NEK11: variants seen among roughly 807,000 people sequenced by gnomAD.
The protein encoded by NEK11 is NIMA related kinase 11.
A neutral mutation model predicts 80.7 loss-of-function variants in NEK11; 72 were observed. The observed-to-expected ratio is 0.89, with a 90% CI of 0.74 to 1.08. NEK11 has a LOEUF of 1.08. Ranked by LOEUF, NEK11 falls within the 50% of genes least tolerant of loss-of-function variation. NEK11 has a pLI of 0.00. For missense variants in NEK11, 764 were observed against 763.6 expected, an observed-to-expected ratio of 1.00 and a Z score of -0.01; for synonymous variants, 251 against 260.7, an observed-to-expected ratio of 0.96 and a Z score of 0.36.
chr3:131,221,053 T>C (rs1270169166), intron 14 of NEK11, among the ~76,000 whole-genome samples: 2 of 152,200 alleles, frequency 1.3e-5, no homozygotes, highest in Admixed American at 1.3e-4. Context: ...TCCACGTTAC[T>C]CTCCCAAAGG....
At chr3:131,115,928 TTC>T (rs1491366962) in intron 5 of NEK11, among the ~76,000 whole-genome samples, 19 of 110,046 alleles carry the variant, frequency 1.7e-4, no homozygotes, top group Non-Finnish European at 3.3e-4. Context: ...CTTTCTTTCT[TTC>T]TTTCTTTCTT....
intron 3 of NEK11, among the ~76,000 whole-genome samples, chr3:131,033,567 T>G (rs915138112): frequency 6.6e-6 from 1 of 152,224 alleles, no homozygotes; most frequent in African/African-American, 2.4e-5. Flanking sequence ...TTATATACAT[T>G]TCTATATTTA....
intron 5 of NEK11, among the ~76,000 whole-genome samples, chr3:131,124,884 A>C (rs962422515): frequency 1.3e-5 from 2 of 152,230 alleles, no homozygotes; most frequent in Admixed American, 1.3e-4. Flanking sequence ...CCAATAGGCT[A>C]TACAACATTG....
chr3:131,050,900 C>A (rs1411089141), intron 3 of NEK11, among the ~76,000 whole-genome samples: 1 of 152,088 alleles, frequency 6.6e-6, no homozygotes, highest in Non-Finnish European at 1.5e-5. Flanking sequence ...GTGGCGCATG[C>A]CTGCAGTCTG....
intron 3 of NEK11, among the ~76,000 whole-genome samples, chr3:131,040,354 G>A (rs1326471500): frequency 6.6e-6 from 1 of 152,014 alleles, no homozygotes; most frequent in Non-Finnish European, 1.5e-5. Context: ...TAAGCCTGAT[G>A]AAATGTGTGG....
chr3:131,090,595 T>C (rs1341754673), intron 4 of NEK11, among the ~76,000 whole-genome samples: 12 of 152,248 alleles, frequency 7.9e-5, no homozygotes, highest in African/African-American at 2.9e-4. Context: ...ATTAGCTTTT[T>C]ACTTTAAAGA....
At chr3:131,098,258 G>A (rs2077769267) in intron 4 of NEK11, among the ~76,000 whole-genome samples, 1 of 152,196 alleles carries the variant, frequency 6.6e-6, no homozygotes, top group African/African-American at 2.4e-5. Context: ...AGGACTTCAT[G>A]TCTAAAACAC....
chr3:131,168,458 G>A (rs1260452553), intron 12 of NEK11, among the ~76,000 whole-genome samples: 1 of 149,486 alleles, frequency 6.7e-6, no homozygotes, highest in African/African-American at 2.5e-5. Context: ...CCGGGTTCAC[G>A]CCATTCTCCT....
chr3:131,318,365 A>G (rs1017033836), intron 17 of NEK11, among the ~76,000 whole-genome samples: 5 of 152,218 alleles, frequency 3.3e-5, no homozygotes, highest in Non-Finnish European at 7.3e-5. Flanking sequence ...TAATTTGGAG[A>G]GCAATTTGGC....
chr3:131,328,482 A>G (rs963763895), intron 17 of NEK11: 2 of 152,182 alleles, frequency 1.3e-5, no homozygotes, highest in African/African-American at 4.8e-5. Flanking sequence ...CTTGAAAACA[A>G]CAGTCTTCTG....
At chr3:131,349,450 A>G in intron 17 of NEK11, 107 bp from the exon 18 acceptor site, 1 of 950,312 alleles carries the variant, frequency 1.1e-6, no homozygotes, top group Non-Finnish European at 1.6e-6. Context: ...CTTTTTTTCT[A>G]AATCCCAGAA....
At chr3:131,151,907 G>A (rs2089713626) in intron 7 of NEK11, among the ~76,000 whole-genome samples, 1 of 151,952 alleles carries the variant, frequency 6.6e-6, no homozygotes, top group South Asian at 2.1e-4. Context: ...TATATTCAGA[G>A]AATAATAAAT....
chr3:131,212,399 G>A (rs953969375), intron 14 of NEK11, among the ~76,000 whole-genome samples: 4 of 152,124 alleles, frequency 2.6e-5, no homozygotes, highest in Non-Finnish European at 4.4e-5. Context: ...CGTGTCAGTC[G>A]GCCCCTGCTG....
At chr3:131,317,357 C>T (rs1389945968) in intron 17 of NEK11, among the ~76,000 whole-genome samples, 1 of 152,118 alleles carries the variant, frequency 6.6e-6, no homozygotes, top group East Asian at 1.9e-4. Context: ...GCTGTTTGGT[C>T]CTGGTGCTGG....
intron 4 of NEK11, among the ~76,000 whole-genome samples, chr3:131,098,460 C>T (rs1180295001): frequency 6.6e-6 from 1 of 152,064 alleles, no homozygotes. Flanking sequence ...GATGGTAACT[C>T]ATTATGGTTT....
intron 3 of NEK11, among the ~76,000 whole-genome samples, chr3:131,066,327 G>T (rs2071940828): frequency 1.3e-5 from 2 of 152,154 alleles, no homozygotes; most frequent in African/African-American, 4.8e-5. Flanking sequence ...GAAAAATACT[G>T]CTCATAAAAA....
chr3:131,225,327 G>A (rs1171502444), intron 14 of NEK11, among the ~76,000 whole-genome samples: 3 of 152,272 alleles, frequency 2.0e-5, no homozygotes, highest in Middle Eastern at 3.4e-3. Context: ...ATGTGTAGTA[G>A]GTTATACCAT....
chr3:131,274,323 G>A (rs891511500), intron 17 of NEK11, among the ~76,000 whole-genome samples: 9 of 146,592 alleles, frequency 6.1e-5, no homozygotes, highest in Non-Finnish European at 8.9e-5. Context: ...ATTCCATGGT[G>A]TATATGTGCC....
At chr3:131,126,561 A>C (rs2149518690) in intron 5 of NEK11, among the ~76,000 whole-genome samples, 1 of 152,292 alleles carries the variant, frequency 6.6e-6, no homozygotes, top group African/African-American at 2.4e-5. Flanking sequence ...TATTGATGTT[A>C]AGTCACTTTC....
Sources: allele counts gnomAD v4.1 joint callset (sites outside exome capture counted in the v4.1 genomes callset), GRCh38; gene constraint gnomAD v4.1.1; transcripts MANE v1.5; gene names NCBI Gene and HGNC (gene_info 2026-07-23, HGNC 2026-07-21).